Variants in FAM110B observed in about 807,000 individuals in gnomAD.
FAM110B encodes the protein family with sequence similarity 110 member B.
In FAM110B, 6 loss-of-function variants were observed where a neutral mutation model predicts 20.4. The observed-to-expected ratio is 0.29, with a 90% CI of 0.16 to 0.58. The LOEUF is 0.58. Ranked by LOEUF, FAM110B falls within the 20% of genes least tolerant of loss-of-function variation. The pLI is 0.90. For synonymous variants in FAM110B, 226 were observed against 214.1 expected, an observed-to-expected ratio of 1.06 and a Z score of -0.49; for missense variants, 434 against 498.2, an observed-to-expected ratio of 0.87 and a Z score of 1.23.
intron 3 of FAM110B, among the ~76,000 whole-genome samples, chr8:58,086,761 C>A (rs1806347494): frequency 6.6e-6 from 1 of 152,186 alleles, no homozygotes; most frequent in Admixed American, 6.5e-5. Context: ...GATGGTGATG[C>A]TTTAAGGGTC....
At chr8:58,057,253 T>C (rs1297212679) in intron 2 of FAM110B, among the ~76,000 whole-genome samples, 1 of 152,138 alleles carries the variant, frequency 6.6e-6, no homozygotes, top group Non-Finnish European at 1.5e-5. Context: ...CAGGGTGACC[T>C]GGCTGGGGCC....
intron 3 of FAM110B, among the ~76,000 whole-genome samples, chr8:58,135,149 C>T (rs904323491): frequency 6.6e-6 from 1 of 152,222 alleles, no homozygotes; most frequent in East Asian, 1.9e-4. Context: ...CATAGCTGAA[C>T]ATCTTAGACA....
chr8:58,133,718 T>A (rs58727638), intron 3 of FAM110B, among the ~76,000 whole-genome samples: 20,031 of 152,066 alleles, frequency 0.13, 1,790 homozygotes, highest in African/African-American at 0.25. Flanking sequence ...GAGCCTGTGG[T>A]CACAGACCCA....
At chr8:58,128,915 C>G (rs66631237) in intron 3 of FAM110B, among the ~76,000 whole-genome samples, 24,878 of 152,118 alleles carry the variant, frequency 0.16, 5,220 homozygotes, top group African/African-American at 0.49. Context: ...TAAAAGGAAT[C>G]ATTGGCTCTT....
chr8:58,026,090 T>TC (rs1190835325), intron 1 of FAM110B, among the ~76,000 whole-genome samples: 6 of 152,150 alleles, frequency 3.9e-5, no homozygotes. Context: ...TAATAGAACA[T>TC]CCCCTTTACC....
At chr8:58,055,670 G>T (rs1404086954) in intron 2 of FAM110B, among the ~76,000 whole-genome samples, 1 of 152,168 alleles carries the variant, frequency 6.6e-6, no homozygotes. Context: ...AGGTGCACGG[G>T]CCTTGTTGAG....
intron 3 of FAM110B, among the ~76,000 whole-genome samples, chr8:58,107,694 C>T (rs1007333698): frequency 1.3e-5 from 2 of 152,190 alleles, no homozygotes; most frequent in African/African-American, 4.8e-5. Flanking sequence ...TTTAATGCAT[C>T]AGATCCTGTG....
At chr8:58,118,477 C>T (rs1176816193) in intron 3 of FAM110B, among the ~76,000 whole-genome samples, 2 of 152,074 alleles carry the variant, frequency 1.3e-5, no homozygotes, top group African/African-American at 2.4e-5. Flanking sequence ...GGGTGCTTAC[C>T]GGAAGATTAG....
At chr8:58,033,337 T>C (rs531881145) in intron 2 of FAM110B, among the ~76,000 whole-genome samples, 1 of 152,334 alleles carries the variant, frequency 6.6e-6, no homozygotes, top group African/African-American at 2.4e-5. Context: ...GTCTTTGCTA[T>C]TGTGAATAGT....
chr8:58,050,932 G>A (rs1805427727), intron 2 of FAM110B, among the ~76,000 whole-genome samples: 1 of 152,166 alleles, frequency 6.6e-6, no homozygotes. Context: ...ATTCACCCCA[G>A]CGTTTATACT....
At chr8:58,072,039 T>C (rs1253336443) in intron 2 of FAM110B, among the ~76,000 whole-genome samples, 1 of 152,220 alleles carries the variant, frequency 6.6e-6, no homozygotes, top group Non-Finnish European at 1.5e-5. Context: ...TGCTCTTCTA[T>C]GTGGATGTGC....
chr8:58,098,593 A>G (rs1806693433), intron 3 of FAM110B, among the ~76,000 whole-genome samples: 1 of 152,180 alleles, frequency 6.6e-6, no homozygotes, highest in Admixed American at 6.5e-5. Context: ...CTGGGGTATG[A>G]AAAGAAACCC....
chr8:58,098,361 T>C (rs6985835), intron 3 of FAM110B, among the ~76,000 whole-genome samples: 29,190 of 152,198 alleles, frequency 0.19, 6,221 homozygotes, highest in African/African-American at 0.53. Flanking sequence ...AAACTGCTTA[T>C]TCACGCTTCA....
intron 3 of FAM110B, among the ~76,000 whole-genome samples, chr8:58,082,733 T>C (rs1806229696): frequency 6.6e-6 from 1 of 152,128 alleles, no homozygotes; most frequent in African/African-American, 2.4e-5. Context: ...ATCCCAGTGC[T>C]TTGGGAGGCT....
At chr8:58,047,357 G>C (rs1204805689) in intron 2 of FAM110B, among the ~76,000 whole-genome samples, 1 of 152,122 alleles carries the variant, frequency 6.6e-6, no homozygotes, top group African/African-American at 2.4e-5. Context: ...TGTTGGGGGA[G>C]GATGTTTGTA....
At chr8:58,065,330 C>A (rs981241519) in intron 2 of FAM110B, among the ~76,000 whole-genome samples, 1 of 152,078 alleles carries the variant, frequency 6.6e-6, no homozygotes, top group Non-Finnish European at 1.5e-5. Flanking sequence ...GATATTTGCT[C>A]ATGTATTGTT....
intron 3 of FAM110B, among the ~76,000 whole-genome samples, chr8:58,079,569 G>T (rs149293738): frequency 6.6e-6 from 1 of 152,096 alleles, no homozygotes; most frequent in Non-Finnish European, 1.5e-5. Flanking sequence ...TTCAGACCAG[G>T]AGGTCAAGAC....
intron 2 of FAM110B, among the ~76,000 whole-genome samples, chr8:58,067,923 A>G (rs1805805815): frequency 6.6e-6 from 1 of 152,260 alleles, no homozygotes; most frequent in Non-Finnish European, 1.5e-5. Flanking sequence ...ACTCAGTTCC[A>G]AAACAAATAC....
intron 2 of FAM110B, among the ~76,000 whole-genome samples, chr8:58,049,964 A>G (rs1286898408): frequency 6.6e-6 from 1 of 152,186 alleles, no homozygotes; most frequent in Non-Finnish European, 1.5e-5. Flanking sequence ...AAAGATGAAC[A>G]CTTTTCCTAA....
Sources: allele counts gnomAD v4.1 joint callset (sites outside exome capture counted in the v4.1 genomes callset), GRCh38; gene constraint gnomAD v4.1.1; transcripts MANE v1.5; gene names NCBI Gene and HGNC (gene_info 2026-07-23, HGNC 2026-07-21).